The following SIRPB1 variants were observed in gnomAD, a reference collection of about 807,000 sequenced individuals.
SIRPB1 encodes signal-regulatory protein beta-1.
Under a neutral mutation model 34.1 loss-of-function variants are expected in SIRPB1, and 28 were observed. The observed-to-expected ratio is 0.82, with a 90% CI of 0.61 to 1.12. The LOEUF is 1.12. SIRPB1 is among the 50% of genes most tolerant of loss of function. The pLI, the probability that SIRPB1 is intolerant of heterozygous loss-of-function variation, is 0.00. For missense variants in SIRPB1, 499 were observed against 507.0 expected, an observed-to-expected ratio of 0.98 and a Z score of 0.15; for synonymous variants, 211 against 203.8, an observed-to-expected ratio of 1.04 and a Z score of -0.30.
At chr20:1,616,087 A>G (rs1253218953) in intron 1 of SIRPB1, among the ~76,000 whole-genome samples, 1 of 152,244 alleles carries the variant, frequency 6.6e-6, no homozygotes, top group Admixed American at 6.5e-5. Context: ...AAATAATGGA[A>G]AGATATCCAT....
At chr20:1,586,114 T>G (rs187673974) in intron 1 of SIRPB1, among the ~76,000 whole-genome samples, 687 of 48,804 alleles carry the variant, frequency 0.014, 301 homozygotes, top group Non-Finnish European at 0.02. Flanking sequence ...TCGGTAAGTA[T>G]TAGTCAAAGG....
At chr20:1,569,749 G>GTTGAATGT (rs1286335053) in intron 4 of SIRPB1, among the ~76,000 whole-genome samples, 1 of 152,248 alleles carries the variant, frequency 6.6e-6, no homozygotes, top group African/African-American at 2.4e-5. Context: ...CACAAAGGAT[G>GTTGAATGT]TTGAATGTCA....
chr20:1,568,865 A>G (rs1309002859), intron 4 of SIRPB1, among the ~76,000 whole-genome samples: 1 of 152,192 alleles, frequency 6.6e-6, no homozygotes, highest in Non-Finnish European at 1.5e-5. Context: ...AACTGAAAAC[A>G]CAAAAACAAT....
Position 1,604,856 on chromosome 20 carries a change from T to G in SIRPB1, c.76+15013A>C. ...ACGTCCTCGCGGGTCAGCACCACCT[T>G]GGCTGTGCTGTGGATGCTGTAGGAC... On this transcript the variant is annotated intron_variant, in intron 1 of 5. Coordinates refer to ENST00000381605, the MANE Select transcript of SIRPB1 (RefSeq NM_006065.5). 3 of 613,168 alleles carry G rather than the reference T, an allele frequency of 4.9e-6. 1 individual carries two copies. Among genetic ancestry groups the G allele is most frequent in the Non-Finnish European group, 6.5e-6 (3 of 458,612 alleles). 38.0% of individuals were successfully genotyped at this position (613,168 alleles called of 1,614,324 possible). A position where few individuals can be genotyped will look rare whatever the true frequency, so the allele number is the denominator to read the frequency against.
At chr20:1,567,683 A>G (rs2091160771) in intron 4 of SIRPB1, among the ~76,000 whole-genome samples, 1 of 152,222 alleles carries the variant, frequency 6.6e-6, no homozygotes, top group Non-Finnish European at 1.5e-5. Flanking sequence ...TAACACTTTC[A>G]CTGGCACTAA....
In SIRPB1 at chr20:1,565,286, C is replaced by T. The variant is rs1179390655; in HGVS notation, c.*214G>A. 2 of 362,700 alleles carry T rather than the reference C, an allele frequency of 5.5e-6. No homozygotes were observed. Among genetic ancestry groups the T allele is most frequent in the African/African-American group, 4.2e-5 (2 of 47,788 alleles). 22.5% of individuals were successfully genotyped at this position (362,700 alleles called of 1,614,324 possible). ...TAGGGAGGTGCCATGAGTCAGTGCC[C>T]AGAGCCCAATCCCATGGCCCCTGCT... On this transcript the variant is annotated 3_prime_UTR_variant, in exon 6 of 6. Transcript: ENST00000381605.
rs748633578 is a variant in SIRPB1, at chr20:1,611,386, G to C, written c.76+8483C>G. 16 of 928,926 alleles carry C rather than the reference G, an allele frequency of 1.7e-5. 6 individuals carry two copies. The African/African-American group carries it at 5.1e-4, about 30-fold the overall frequency. 57.5% of individuals were successfully genotyped at this position (928,926 alleles called of 1,614,324 possible). A position where few individuals can be genotyped will look rare whatever the true frequency, so the allele number is the denominator to read the frequency against. On this transcript the variant is annotated intron_variant, in intron 1 of 5. Coordinates refer to ENST00000381605, the MANE Select transcript of SIRPB1 (RefSeq NM_006065.5). ...CACAGACAGCTCGGTGCCTGCTCCA[G>C]ACTTAAACTCCACGTGGTCGGGGCT...
Position 1,612,365 on chromosome 20 carries a change from T to C in SIRPB1, c.76+7504A>G. ...AGAACTCTTGAGCCCTCCTTGGAAG[T>C]GCCATGTTTTGCTAAATATGTGCCT... is the stretch of plus-strand genomic sequence containing the variant. On this transcript the variant is annotated intron_variant, in intron 1 of 5. Transcript: ENST00000381605. Among the ~76,000 whole-genome samples the C allele has an allele frequency of 2.7e-5, 2 of 72,758 alleles. 1 individual carries two copies. Among genetic ancestry groups the C allele is most frequent in the Admixed American group, 2.2e-4 (2 of 8,950 alleles). 47.7% of individuals were successfully genotyped at this position (72,758 alleles called of 152,430 possible).
Position 1,570,796 on chromosome 20 carries a change from T to C in SIRPB1, c.1084+9A>G. ...AAAGACAAAATTTAAAAATGGGAAG[T>C]AACCGCACCATGGGTGATATCTGAG... On this transcript the variant is annotated intron_variant, in intron 4 of 5. Transcript: ENST00000381605. 1.3e-6 allele frequency: 2 copies of C among 1,583,040 alleles called. No individual in the cohort carries two copies. Among genetic ancestry groups the C allele is most frequent in the Non-Finnish European group, 1.7e-6 (2 of 1,163,842 alleles).
Position 1,565,064 on chromosome 20 carries a change from A to G in SIRPB1, c.*436T>C. 1 of 398,456 alleles carries G rather than the reference A, an allele frequency of 2.5e-6. No homozygotes were observed. The allele number at this position is 398,456 out of a possible 1,614,324, so 24.7% of individuals were successfully genotyped here. ...AGGAAAGAGAATCATTTTTTTCTTA[A>G]AATTGGTATAGGGGTTCATGTGTAT... On this transcript the variant is annotated 3_prime_UTR_variant, in exon 6 of 6. Coordinates refer to ENST00000381605, the MANE Select transcript of SIRPB1 (RefSeq NM_006065.5).
Position 1,565,345 on chromosome 20 carries a change from T to C in SIRPB1, c.*155A>G. 3.7e-6 allele frequency: 1 copy of C among 272,038 alleles called. No homozygotes were observed. The allele number at this position is 272,038 out of a possible 1,614,324, so 16.9% of individuals were successfully genotyped here. A position where few individuals can be genotyped will look rare whatever the true frequency, so the allele number is the denominator to read the frequency against. The stretch of plus-strand genomic sequence containing the variant: ...TGAATAGAGACACTGCTTTGGGGCA[T>C]CATGGTCTTGTGAAGGTGGAACAGG... On this transcript the variant is annotated 3_prime_UTR_variant, in exon 6 of 6. Coordinates refer to ENST00000381605, the MANE Select transcript of SIRPB1 (RefSeq NM_006065.5).
intron 1 of SIRPB1, among the ~76,000 whole-genome samples, chr20:1,619,131 T>C (rs997192695): frequency 3.9e-5 from 6 of 152,084 alleles, no homozygotes; most frequent in Admixed American, 1.3e-4. Context: ...GAGACTTCAG[T>C]AGAAACTAAC....
chr20:1,571,626 T>C, intron 3 of SIRPB1, 94 bp downstream of exon 3: 1 of 1,569,692 alleles, frequency 6.4e-7, no homozygotes, highest in Admixed American at 1.8e-5. Flanking sequence ...AGTTAGGAAT[T>C]AGATTCCAGG....
At chr20:1,611,285 T>C (rs1568705052) in intron 1 of SIRPB1, 1 of 725,416 alleles carries the variant, frequency 1.4e-6, no homozygotes, top group African/African-American at 5.2e-5. Context: ...ACTGTTGCTC[T>C]AAGAATGGAT....
chr20:1,564,659 C>A lies in SIRPB1; in HGVS notation c.*841G>T. On this transcript the variant is annotated 3_prime_UTR_variant, in exon 6 of 6. Coordinates refer to ENST00000381605, the MANE Select transcript of SIRPB1 (RefSeq NM_006065.5). ...CAGGCTTGGACTGGGCCCTGAAAACCAATTGTTAAATTTCAGGAATCTTGC... is the reference window on the plus strand; with the variant it reads ...CAGGCTTGGACTGGGCCCTGAAAACAAATTGTTAAATTTCAGGAATCTTGC... 1 of 348,858 alleles carries A rather than the reference C, an allele frequency of 2.9e-6. No individual in the cohort carries two copies. The highest frequency in any genetic ancestry group is 2.1e-5 in the African/African-American group (1 of 47,692). 21.6% of individuals were successfully genotyped at this position (348,858 alleles called of 1,614,324 possible).
chr20:1,614,917 G>A (rs1460345958), intron 1 of SIRPB1, among the ~76,000 whole-genome samples: 2 of 152,058 alleles, frequency 1.3e-5, no homozygotes, highest in Non-Finnish European at 2.9e-5. Context: ...TTGCCTTTTG[G>A]AGTGCTGCCA....
In SIRPB1 at chr20:1,592,593, ATTTATGTG is replaced by A. The variant is rs1405090538; in HGVS notation, c.77-13907_77-13900del. ...CAGACTTCTCAAATAGAGGGAGAAA[ATTTATGTG>A]TTTTACGATGTTGGGGGGCAACCTA... On this transcript the variant is annotated intron_variant, in intron 1 of 5. Transcript: ENST00000381605. Among the ~76,000 whole-genome samples, 2 of 48,844 alleles carry A rather than the reference ATTTATGTG, an allele frequency of 4.1e-5. 1 individual carries two copies. The highest frequency in any genetic ancestry group is 7.8e-5 in the Non-Finnish European group (2 of 25,484). The allele number at this position is 48,844 out of a possible 152,430, so 32.0% of individuals were successfully genotyped here. A position where few individuals can be genotyped will look rare whatever the true frequency, so the allele number is the denominator to read the frequency against.
chr20:1,574,430 T>C (rs1472948144), intron 2 of SIRPB1, among the ~76,000 whole-genome samples: 2 of 40,738 alleles, frequency 4.9e-5, no homozygotes, highest in African/African-American at 1.9e-4. Context: ...TAGGGGGCTG[T>C]GTATGAGAAT....
chr20:1,616,393 C>T (rs577293372), intron 1 of SIRPB1, among the ~76,000 whole-genome samples: 1 of 152,232 alleles, frequency 6.6e-6, no homozygotes, highest in African/African-American at 2.4e-5. Context: ...CCAGAGAGCC[C>T]AGATATAAAC....
Sources: gnomAD v4.1 joint callset for allele counts (sites outside exome capture counted in the v4.1 genomes callset) on GRCh38, gnomAD v4.1.1 for gene constraint, MANE v1.5 for transcripts, NCBI Gene and HGNC (gene_info 2026-07-23, HGNC 2026-07-21) for gene names.